The following TDRD3 variants were observed in gnomAD, a reference collection of about 807,000 sequenced individuals.
TDRD3 encodes tudor domain-containing protein 3.
TDRD3 carries 45 observed loss-of-function variants against 86.7 expected under a neutral mutation model. The ratio of observed to expected loss-of-function variants is 0.52; its 90% CI spans 0.41 to 0.67. The LOEUF (loss-of-function observed/expected upper bound fraction) is 0.67. Among genes scored for constraint, TDRD3 ranks in the 30% least tolerant of loss-of-function variants. The pLI is 0.00. For missense variants in TDRD3, 814 were observed against 889.0 expected, an observed-to-expected ratio of 0.92 and a Z score of 1.07; for synonymous variants, 298 against 301.7, an observed-to-expected ratio of 0.99 and a Z score of 0.13.
intron 7 of TDRD3, among the ~76,000 whole-genome samples, chr13:60,489,454 C>T (rs2137533796): frequency 1.3e-5 from 2 of 152,282 alleles, no homozygotes; most frequent in Middle Eastern, 6.8e-3. Context: ...TGTTGTCAGT[C>T]TAGTAAAGGG....
At chr13:60,422,368 A>G (rs1954680586) in intron 1 of TDRD3, among the ~76,000 whole-genome samples, 1 of 152,192 alleles carries the variant, frequency 6.6e-6, no homozygotes, top group Admixed American at 6.5e-5. Context: ...AAATATTGTA[A>G]AACAGCCCAA....
rs1427916303 is a variant in TDRD3 at position 60,485,841 on chromosome 13, C to A, written c.610C>A (p.Arg204=). 2 of 1,606,838 alleles carry A rather than the reference C, an allele frequency of 1.2e-6. No individual in the cohort carries two copies. Among genetic ancestry groups the A allele is most frequent in the Non-Finnish European group, 1.7e-6 (2 of 1,176,806 alleles). ...HVQVDSRELD[R]RKTLQVTMPV... ...CCAAGTGGATAGCAGAGAACTTGAT[C>A]GAAGAAAAACATTGCAAGTTACAAT... The change falls in exon 7 of 14, where the codon CGA becomes AGA. Residue 204 remains arginine (R), a synonymous_variant. Coordinates refer to ENST00000377881, the MANE Select transcript of TDRD3 (RefSeq NM_001146070.2).
chr13:60,446,513 C>T (rs1955403008), intron 3 of TDRD3, among the ~76,000 whole-genome samples: 1 of 152,086 alleles, frequency 6.6e-6, no homozygotes, highest in Non-Finnish European at 1.5e-5. Flanking sequence ...AGGTGTGAGC[C>T]ACTGTGCCTG....
At chr13:60,559,426 C>T (rs963077226) in intron 12 of TDRD3, among the ~76,000 whole-genome samples, 3 of 152,094 alleles carry the variant, frequency 2.0e-5, no homozygotes, top group Non-Finnish European at 4.4e-5. Context: ...TCTGGGCAAG[C>T]TTTTGGAATC....
intron 1 of TDRD3, among the ~76,000 whole-genome samples, chr13:60,433,425 T>C (rs1424634910): frequency 6.6e-6 from 1 of 152,172 alleles, no homozygotes; most frequent in Non-Finnish European, 1.5e-5. Context: ...TGTAAACAAC[T>C]CACCAGAGAA....
rs143376487 is a variant in TDRD3 at position 60,559,439 on chromosome 13, T to A, written c.2119-8086T>A. Among the ~76,000 whole-genome samples, 7 of 152,338 alleles carry A rather than the reference T, an allele frequency of 4.6e-5. No homozygotes were observed. In the East Asian group the frequency reaches 1.3e-3, roughly 29 times the overall value. On this transcript the variant is annotated intron_variant, in intron 12 of 13. Coordinates refer to ENST00000377881, the MANE Select transcript of TDRD3 (RefSeq NM_001146070.2). ...TTTCTGGGCAAGCTTTTGGAATCTA[T>A]TTAATCTTTAGAAATGGGTTTCAGA...
chr13:60,469,240 C>A (rs1002727187), intron 5 of TDRD3, among the ~76,000 whole-genome samples: 6 of 151,912 alleles, frequency 3.9e-5, no homozygotes, highest in Admixed American at 1.3e-4. Flanking sequence ...GAGAAACTAC[C>A]CATTTCATGT....
At chr13:60,441,349 A>G (rs2137966681) in intron 2 of TDRD3, among the ~76,000 whole-genome samples, 1 of 152,266 alleles carries the variant, frequency 6.6e-6, no homozygotes, top group Admixed American at 6.5e-5. Context: ...TTTGAATAAA[A>G]TAAATCAGGA....
intron 2 of TDRD3, among the ~76,000 whole-genome samples, chr13:60,443,791 AC>A (rs1445977186): frequency 6.6e-6 from 1 of 151,918 alleles, no homozygotes; most frequent in Non-Finnish European, 1.5e-5. Context: ...GCTACTGTTT[AC>A]TATATTATAA....
At chr13:60,397,730 C>T (rs1307867997) in intron 1 of TDRD3, among the ~76,000 whole-genome samples, 1 of 151,182 alleles carries the variant, frequency 6.6e-6, no homozygotes, top group Non-Finnish European at 1.5e-5. Context: ...GACCGGAGCG[C>T]CGGGGAGGAC....
At chr13:60,534,468 C>A (rs1295470512) in intron 11 of TDRD3, among the ~76,000 whole-genome samples, 1 of 152,130 alleles carries the variant, frequency 6.6e-6, no homozygotes, top group Non-Finnish European at 1.5e-5. Context: ...CCTATAAATA[C>A]TGGATCTAAG....
At chr13:60,447,897 G>A (rs924910655) in intron 3 of TDRD3, among the ~76,000 whole-genome samples, 1 of 152,096 alleles carries the variant, frequency 6.6e-6, no homozygotes, top group Non-Finnish European at 1.5e-5. Flanking sequence ...CTCCATTAAC[G>A]TTGTGTGGTG....
At chr13:60,525,443 G>A (rs1957406007) in intron 10 of TDRD3, among the ~76,000 whole-genome samples, 1 of 151,436 alleles carries the variant, frequency 6.6e-6, no homozygotes, top group Admixed American at 6.6e-5. Flanking sequence ...CAAAGTGCTG[G>A]GATTACAGGG....
chr13:60,435,603 A>G (rs553839208), intron 1 of TDRD3, among the ~76,000 whole-genome samples: 2 of 152,226 alleles, frequency 1.3e-5, no homozygotes, highest in East Asian at 1.9e-4. Flanking sequence ...CATTATTTCA[A>G]TTCGTTTTTG....
intron 10 of TDRD3, among the ~76,000 whole-genome samples, chr13:60,511,631 G>C (rs1463349436): frequency 6.6e-6 from 1 of 152,184 alleles, no homozygotes; most frequent in Non-Finnish European, 1.5e-5. Context: ...TGGGGCCTCT[G>C]TTTAAAGTCT....
chr13:60,400,271 T>C (rs770292131), intron 1 of TDRD3, among the ~76,000 whole-genome samples: 2 of 152,252 alleles, frequency 1.3e-5, no homozygotes, highest in Non-Finnish European at 2.9e-5. Flanking sequence ...CATTCTCCTT[T>C]AGGATGATAT....
intron 1 of TDRD3, 52 bp downstream of exon 1, chr13:60,397,457 C>T: frequency 6.9e-7 from 1 of 1,452,298 alleles, no homozygotes; most frequent in East Asian, 2.8e-5. Context: ...GCCGGGGCCC[C>T]AGGGAGGTTG....
chr13:60,483,101 C>T lies in TDRD3; in HGVS notation c.496-674C>T, dbSNP rs375960332. 2.0e-4 allele frequency among the ~76,000 whole-genome samples: 31 copies of T among 151,942 alleles called. No individual in the cohort carries two copies. The South Asian group carries it at 5.6e-3, about 27-fold the overall frequency. ...TGCTTTTGCCAGAAGATTTTCTTTC[C>T]GTTTTCATAATACATTGTTATCTCT... On this transcript the variant is annotated intron_variant, in intron 5 of 13. Coordinates refer to ENST00000377881, the MANE Select transcript of TDRD3 (RefSeq NM_001146070.2).
chr13:60,446,954 T>C (rs781038208), intron 3 of TDRD3, among the ~76,000 whole-genome samples: 8 of 152,188 alleles, frequency 5.3e-5, no homozygotes, highest in Admixed American at 3.9e-4. Context: ...AGTTCTTGTT[T>C]AAATCAACTT....
Sources: allele counts gnomAD v4.1 joint callset (sites outside exome capture counted in the v4.1 genomes callset), GRCh38; gene constraint gnomAD v4.1.1; transcripts MANE v1.5; gene names NCBI Gene and HGNC (gene_info 2026-07-23, HGNC 2026-07-21).